SCAPER: variants seen among roughly 807,000 people sequenced by gnomAD.
SCAPER encodes S phase cyclin A-associated protein in the endoplasmic reticulum.
SCAPER carries 98 observed loss-of-function variants against 182.2 expected under a neutral mutation model. The ratio of observed to expected loss-of-function variants is 0.54; its 90% CI spans 0.46 to 0.64. The LOEUF (loss-of-function observed/expected upper bound fraction) is 0.64. Among genes scored for constraint, SCAPER ranks in the 30% least tolerant of loss-of-function variants. The probability of loss-of-function intolerance (pLI) is 0.00; values close to 1 mark genes in which losing one functional copy is unlikely to be tolerated. For synonymous variants in SCAPER, 605 were observed against 564.6 expected (o/e 1.07, Z -1.01); for missense variants, 1,432 against 1,690.0 (o/e 0.85, Z 2.68).
intron 22 of SCAPER, among the ~76,000 whole-genome samples, chr15:76,579,305 C>T (rs1037723013): frequency 3.3e-5 from 4 of 122,254 alleles, no homozygotes; most frequent in Admixed American, 8.4e-5. Flanking sequence ...ACTACAACAA[C>T]AATGTTTTAA....
At chr15:76,789,831 T>G (rs1464341448) in intron 8 of SCAPER, among the ~76,000 whole-genome samples, 1 of 152,224 alleles carries the variant, frequency 6.6e-6, no homozygotes, top group Non-Finnish European at 1.5e-5. Context: ...TAAATTCAAG[T>G]CAATATAACC....
intron 5 of SCAPER, among the ~76,000 whole-genome samples, chr15:76,822,521 T>C (rs1425393376): frequency 6.6e-6 from 1 of 152,246 alleles, no homozygotes; most frequent in African/African-American, 2.4e-5. Flanking sequence ...ACATTTCCAC[T>C]GACACTGAAC....
intron 2 of SCAPER, among the ~76,000 whole-genome samples, chr15:76,880,464 A>G (rs961041787): frequency 2.0e-5 from 3 of 152,224 alleles, no homozygotes; most frequent in African/African-American, 7.2e-5. Context: ...ACAGTTCTGA[A>G]TAAGGAACTC....
intron 4 of SCAPER, among the ~76,000 whole-genome samples, chr15:76,844,173 A>G (rs146309453): frequency 1.3e-5 from 2 of 152,170 alleles, no homozygotes; most frequent in African/African-American, 2.4e-5. Flanking sequence ...AATAGATGAC[A>G]AAACAATCTA....
At chr15:76,546,209 T>C (rs1322236881) in intron 23 of SCAPER, among the ~76,000 whole-genome samples, 2 of 152,132 alleles carry the variant, frequency 1.3e-5, no homozygotes, top group Non-Finnish European at 2.9e-5. Context: ...AAGTATGAAG[T>C]ACAAATGATG....
At chr15:76,686,670 T>C (rs2058054126) in intron 20 of SCAPER, among the ~76,000 whole-genome samples, 2 of 152,020 alleles carry the variant, frequency 1.3e-5, no homozygotes, top group African/African-American at 2.4e-5. Flanking sequence ...ATCAAAAGGA[T>C]AGTAAATAAA....
intron 26 of SCAPER, among the ~76,000 whole-genome samples, chr15:76,420,333 C>G (rs2045943641): frequency 6.7e-6 from 1 of 149,896 alleles, no homozygotes. Flanking sequence ...GTCTCCTGCG[C>G]TCCTGAGTAG....
At chr15:76,593,681 A>G (rs1357203537) in intron 22 of SCAPER, among the ~76,000 whole-genome samples, 2 of 121,764 alleles carry the variant, frequency 1.6e-5, no homozygotes, top group African/African-American at 5.0e-5. Flanking sequence ...CGAGGCAAAC[A>G]GGATCTGGAG....
chr15:76,350,673 C>CAA (rs1307260619), intron 31 of SCAPER: 1 of 152,110 alleles, frequency 6.6e-6, no homozygotes. Flanking sequence ...CTGATCACAG[C>CAA]AAACACCCCA....
chr15:76,804,757 C>A, intron 5 of SCAPER, 124 bp from the exon 6 acceptor site: 6 of 481,042 alleles, frequency 1.2e-5, no homozygotes, highest in South Asian at 4.9e-5. Flanking sequence ...GAAAAAGCTG[C>A]GTAAGTTACA....
intron 21 of SCAPER, among the ~76,000 whole-genome samples, chr15:76,652,279 T>A (rs373624257): frequency 0.096 from 808 of 8,410 alleles, 118 homozygotes; most frequent in African/African-American, 0.16. Context: ...AAAAAATATA[T>A]ATATATATAT....
At chr15:76,720,940 T>C (rs2150963021) in intron 17 of SCAPER, among the ~76,000 whole-genome samples, 1 of 152,340 alleles carries the variant, frequency 6.6e-6, no homozygotes, top group South Asian at 2.1e-4. Context: ...TTAGATCCCA[T>C]TTGTCAATTT....
In SCAPER at chr15:76,834,087, A is replaced by T. The variant is rs548130334; in HGVS notation, c.393+7647T>A. Among the ~76,000 whole-genome samples the T allele has an allele frequency of 5.4e-4, 82 of 152,352 alleles. 1 individual carries two copies. The highest frequency in any genetic ancestry group is 5.8e-4 in the East Asian group (3 of 5,194). On this transcript the variant is annotated intron_variant, in intron 5 of 31. Coordinates refer to ENST00000563290, the MANE Select transcript of SCAPER (RefSeq NM_020843.4). ...ATCTACACACAGCACATACTCTAAG[A>T]TGAACCACACACTCAGCCATAAAGC...
At chr15:76,616,596 T>C (rs2051506892) in intron 22 of SCAPER, among the ~76,000 whole-genome samples, 2 of 152,144 alleles carry the variant, frequency 1.3e-5, no homozygotes, top group Non-Finnish European at 2.9e-5. Context: ...TAAACTGTAT[T>C]AATAATGAGT....
intron 1 of SCAPER, among the ~76,000 whole-genome samples, chr15:76,901,571 TAGC>T (rs1484970143): frequency 6.6e-6 from 1 of 152,248 alleles, no homozygotes; most frequent in African/African-American, 2.4e-5. Context: ...GATTGATACA[TAGC>T]AGTTCATCAT....
chr15:76,588,564 T>C (rs932712495), intron 22 of SCAPER, among the ~76,000 whole-genome samples: 1 of 152,220 alleles, frequency 6.6e-6, no homozygotes, highest in Non-Finnish European at 1.5e-5. Context: ...TTCTGTATCT[T>C]TTGAGTGGAG....
At chr15:76,783,736 A>G (rs965830017) in intron 8 of SCAPER, among the ~76,000 whole-genome samples, 1 of 152,162 alleles carries the variant, frequency 6.6e-6, no homozygotes, top group Non-Finnish European at 1.5e-5. Context: ...TTCAACATAC[A>G]CAAATCAATA....
intron 25 of SCAPER, among the ~76,000 whole-genome samples, chr15:76,445,392 T>G (rs1004424723): frequency 6.6e-6 from 1 of 152,196 alleles, no homozygotes; most frequent in African/African-American, 2.4e-5. Flanking sequence ...GATGAGTGAT[T>G]TTTAAATTAT....
intron 8 of SCAPER, among the ~76,000 whole-genome samples, chr15:76,794,233 G>C (rs1199831858): frequency 6.6e-6 from 1 of 152,140 alleles, no homozygotes; most frequent in Non-Finnish European, 1.5e-5. Flanking sequence ...ACCTCAACTA[G>C]GTGAGTTATT....
Sources: gnomAD v4.1 joint callset for allele counts (sites outside exome capture counted in the v4.1 genomes callset) on GRCh38, gnomAD v4.1.1 for gene constraint, MANE v1.5 for transcripts, NCBI Gene and HGNC (gene_info 2026-07-23, HGNC 2026-07-21) for gene names.